Variants in CDH12 observed in about 807,000 individuals in gnomAD.
The protein encoded by CDH12 is cadherin 12.
A neutral mutation model predicts 74.1 loss-of-function variants in CDH12; 41 were observed. The ratio of observed to expected loss-of-function variants is 0.55; its 90% CI spans 0.43 to 0.72. CDH12 has a LOEUF of 0.72. Among genes scored for constraint, CDH12 ranks in the 30% least tolerant of loss-of-function variants. The pLI is 0.00. For synonymous variants in CDH12, 399 were observed against 355.0 expected (o/e 1.12, Z -1.39); for missense variants, 945 against 977.2 (o/e 0.97, Z 0.44).
intron 3 of CDH12, among the ~76,000 whole-genome samples, chr5:22,268,737 A>G (rs1037321762): frequency 5.9e-5 from 9 of 152,238 alleles, no homozygotes; most frequent in African/African-American, 2.2e-4. Context: ...TTTGGCAAGG[A>G]GAAACATCTG....
intron 6 of CDH12, among the ~76,000 whole-genome samples, chr5:21,899,830 T>C (rs1385177042): frequency 6.6e-6 from 1 of 151,888 alleles, no homozygotes; most frequent in Admixed American, 6.6e-5. Flanking sequence ...ATGCTGTGTG[T>C]TTATTATATA....
intron 4 of CDH12, among the ~76,000 whole-genome samples, chr5:22,210,302 A>C (rs1751452662): frequency 7.9e-6 from 1 of 126,388 alleles, no homozygotes; most frequent in African/African-American, 3.0e-5. Flanking sequence ...CAGAAGAAAT[A>C]AACTACCCTC....
At chr5:21,986,084 G>C (rs1757503994) in intron 5 of CDH12, among the ~76,000 whole-genome samples, 1 of 152,030 alleles carries the variant, frequency 6.6e-6, no homozygotes, top group Non-Finnish European at 1.5e-5. Flanking sequence ...TCCCCTGCCT[G>C]AGTAACAGAC....
chr5:22,134,291 A>G (rs1214724530), intron 4 of CDH12, among the ~76,000 whole-genome samples: 2 of 152,086 alleles, frequency 1.3e-5, no homozygotes, highest in African/African-American at 4.8e-5. Flanking sequence ...CGCTTGAGCT[A>G]TGGGCTATTA....
intron 1 of CDH12, among the ~76,000 whole-genome samples, chr5:22,520,719 A>T (rs1737018005): frequency 6.6e-6 from 1 of 152,190 alleles, no homozygotes; most frequent in Non-Finnish European, 1.5e-5. Context: ...CGTTATATAA[A>T]GCAAACAGGA....
At chr5:22,391,851 A>C (rs1206176101) in intron 3 of CDH12, among the ~76,000 whole-genome samples, 1 of 152,168 alleles carries the variant, frequency 6.6e-6, no homozygotes, top group East Asian at 1.9e-4. Flanking sequence ...TTTAAAACTG[A>C]GAACAAAATT....
chr5:22,259,698 T>C (rs1176551587), intron 3 of CDH12, among the ~76,000 whole-genome samples: 2 of 152,074 alleles, frequency 1.3e-5, no homozygotes, highest in East Asian at 3.8e-4. Flanking sequence ...ATATAATTTC[T>C]TGATCTGGAG....
At chr5:22,681,506 T>A (rs1741492585) in intron 1 of CDH12, among the ~76,000 whole-genome samples, 1 of 152,048 alleles carries the variant, frequency 6.6e-6, no homozygotes, top group Non-Finnish European at 1.5e-5. Flanking sequence ...AAGATCGGGA[T>A]CTGTCACATC....
rs966038276 is a variant in CDH12, at chr5:22,208,092, C to T, written c.-187+4406G>A. On this transcript the variant is annotated intron_variant, in intron 4 of 14. Coordinates refer to ENST00000382254, the MANE Select transcript of CDH12 (RefSeq NM_004061.5). ...CCAAGGCCACAGAGCTAGAAAATGC[C>T]CTCAGCTGGATTTGAACCAGGTGGT... Among the ~76,000 whole-genome samples, 6 of 152,046 alleles carry T rather than the reference C, an allele frequency of 3.9e-5. No individual in the cohort carries two copies. The East Asian group carries it at 7.7e-4, about 20-fold the overall frequency.
chr5:21,996,125 T>A (rs1454435862), intron 5 of CDH12, among the ~76,000 whole-genome samples: 1 of 125,316 alleles, frequency 8.0e-6, no homozygotes, highest in African/African-American at 3.8e-5. Flanking sequence ...TTTTTTTTTT[T>A]TTTTTTTCCA....
intron 1 of CDH12, among the ~76,000 whole-genome samples, chr5:22,790,950 A>G (rs1747875926): frequency 6.6e-6 from 1 of 152,146 alleles, no homozygotes; most frequent in Non-Finnish European, 1.5e-5. Flanking sequence ...AACATGAAGG[A>G]CCTTTCAATC....
At chr5:21,825,222 A>G (rs1748603324) in intron 8 of CDH12, among the ~76,000 whole-genome samples, 1 of 152,068 alleles carries the variant, frequency 6.6e-6, no homozygotes, top group Admixed American at 6.6e-5. Flanking sequence ...AGAGCCTTAA[A>G]AGCATCCTGA....
chr5:21,948,332 GC>G (rs1755671928), intron 6 of CDH12, among the ~76,000 whole-genome samples: 1 of 152,178 alleles, frequency 6.6e-6, no homozygotes, highest in Admixed American at 6.5e-5. Flanking sequence ...GGCCATGGGA[GC>G]CCACCCCTTG....
chr5:22,685,229 A>G (rs908499731), intron 1 of CDH12, among the ~76,000 whole-genome samples: 14 of 152,044 alleles, frequency 9.2e-5, no homozygotes, highest in African/African-American at 3.1e-4. Context: ...CGTCACCTCA[A>G]CCCATATTCA....
intron 1 of CDH12, among the ~76,000 whole-genome samples, chr5:22,646,854 C>A (rs757428017): frequency 1.9e-4 from 29 of 151,924 alleles, no homozygotes; most frequent in Non-Finnish European, 3.5e-4. Flanking sequence ...CACCCATAAC[C>A]TAGGTTAGTT....
intron 3 of CDH12, among the ~76,000 whole-genome samples, chr5:22,307,183 C>G (rs1253746514): frequency 6.6e-6 from 1 of 152,110 alleles, no homozygotes; most frequent in Non-Finnish European, 1.5e-5. Context: ...ATAACTCTAC[C>G]CCACTTTGAC....
intron 6 of CDH12, among the ~76,000 whole-genome samples, chr5:21,922,948 C>CTA (rs1554044553): frequency 2.8e-5 from 4 of 141,806 alleles, no homozygotes; most frequent in African/African-American, 1.2e-4. Flanking sequence ...GTATCTATAT[C>CTA]TATATCTATA....
At chr5:22,837,918 T>C (rs903682012) in intron 1 of CDH12, among the ~76,000 whole-genome samples, 2 of 152,180 alleles carry the variant, frequency 1.3e-5, no homozygotes, top group African/African-American at 4.8e-5. Flanking sequence ...CTGTCCTATA[T>C]ATCAATTTGG....
intron 1 of CDH12, among the ~76,000 whole-genome samples, chr5:22,609,937 T>G (rs2126824694): frequency 6.6e-6 from 1 of 152,366 alleles, no homozygotes; most frequent in East Asian, 1.9e-4. Context: ...AACACATTAG[T>G]GAAAGATATT....
Sources: allele counts gnomAD v4.1 joint callset (sites outside exome capture counted in the v4.1 genomes callset), GRCh38; gene constraint gnomAD v4.1.1; transcripts MANE v1.5; gene names NCBI Gene and HGNC (gene_info 2026-07-23, HGNC 2026-07-21).